CCDC38: variants seen among roughly 807,000 people sequenced by gnomAD.
CCDC38 encodes the protein coiled-coil domain-containing protein 38.
A neutral mutation model predicts 72.8 loss-of-function variants in CCDC38; 69 were observed. The observed-to-expected ratio is 0.95, with a 90% CI of 0.78 to 1.16. The LOEUF (loss-of-function observed/expected upper bound fraction) is 1.16, where lower values mean the gene tolerates loss of function less well. Among genes scored for constraint, CCDC38 ranks in the 50% most tolerant of loss-of-function variants. CCDC38 has a pLI of 0.00. For missense variants in CCDC38, 626 were observed against 638.9 expected (o/e 0.98, Z 0.22); for synonymous variants, 201 against 213.2 (o/e 0.94, Z 0.50).
At chr12:95,875,764 T>C (rs1053527177) in intron 13 of CCDC38, among the ~76,000 whole-genome samples, 3 of 152,210 alleles carry the variant, frequency 2.0e-5, no homozygotes, top group African/African-American at 7.2e-5. Context: ...GTGCAATACA[T>C]GAATGCCAAA....
chr12:95,931,411 G>T (rs2080338045), intron 2 of CCDC38, among the ~76,000 whole-genome samples: 1 of 152,180 alleles, frequency 6.6e-6, no homozygotes, highest in Non-Finnish European at 1.5e-5. Context: ...AGTCCCTTTT[G>T]CCATGTAAGG....
chr12:95,923,659 A>G (rs2080234198), intron 2 of CCDC38, among the ~76,000 whole-genome samples: 3 of 152,072 alleles, frequency 2.0e-5, no homozygotes. Flanking sequence ...GTCATCTAGC[A>G]TTAGGTATAT....
At chr12:95,939,654 C>T (rs927255686) in intron 1 of CCDC38, among the ~76,000 whole-genome samples, 7 of 152,114 alleles carry the variant, frequency 4.6e-5, no homozygotes, top group African/African-American at 1.7e-4. Flanking sequence ...GGAAGGGGCA[C>T]TTGGGAAGAT....
rs752887561 is a variant in CCDC38, at chr12:95,898,716, T to C, written c.385A>G (p.Lys129Glu). Residue 129 changes from lysine (K) to glutamate (E), a missense_variant, in exon 6 of 16, where the codon AAA (lysine) becomes GAA (glutamate). By Grantham distance (56) the Lys-to-Glu change is moderately conservative. Transcript: ENST00000344280. ...TCAAACTTTTTGATTGTGTTTCTTT[T>C]GGTTGACAAAGCATACTAGGGGCAT... ...RFLLEYALSTKRNTIKKFEKD... is the reference protein window; with the variant it reads ...RFLLEYALSTERNTIKKFEKD... 6.8e-6 allele frequency: 11 copies of C among 1,613,776 alleles called. No individual in the cohort carries two copies. The South Asian group carries it at 1.1e-4, about 16-fold the overall frequency.
At chr12:95,932,339 T>C (rs1407148450) in intron 2 of CCDC38, among the ~76,000 whole-genome samples, 1 of 152,162 alleles carries the variant, frequency 6.6e-6, no homozygotes, top group Non-Finnish European at 1.5e-5. Flanking sequence ...ATATGAGGTA[T>C]TTTCCCTCAA....
At chr12:95,911,399 G>T (rs964313221) in intron 4 of CCDC38, among the ~76,000 whole-genome samples, 5 of 152,148 alleles carry the variant, frequency 3.3e-5, no homozygotes, top group African/African-American at 1.2e-4. Context: ...TAACTAAAGA[G>T]CTTCTGCGCA....
chr12:95,886,965 C>A (rs1388040677), intron 10 of CCDC38, among the ~76,000 whole-genome samples: 1 of 152,156 alleles, frequency 6.6e-6, no homozygotes, highest in African/African-American at 2.4e-5. Context: ...ATGTGGATCA[C>A]CTGAAGTCAG....
chr12:95,885,692 A>G (rs1382088888), intron 10 of CCDC38: 1 of 153,036 alleles, frequency 6.5e-6, no homozygotes, highest in Non-Finnish European at 1.5e-5. Flanking sequence ...ATCACTCAAA[A>G]CATAGAAGAA....
At chr12:95,892,701 T>C (rs1052707147) in intron 8 of CCDC38, among the ~76,000 whole-genome samples, 6 of 151,232 alleles carry the variant, frequency 4.0e-5, no homozygotes, top group African/African-American at 1.5e-4. Flanking sequence ...TTCTGAGTAG[T>C]TGGGATTACA....
At chr12:95,915,903 A>T (rs972462035) in intron 4 of CCDC38, among the ~76,000 whole-genome samples, 3 of 152,190 alleles carry the variant, frequency 2.0e-5, no homozygotes, top group Non-Finnish European at 4.4e-5. Flanking sequence ...TACTTTTAAG[A>T]GACCGGTAAC....
chr12:95,935,915 C>T (rs1302877231), intron 2 of CCDC38, among the ~76,000 whole-genome samples: 2 of 151,954 alleles, frequency 1.3e-5, no homozygotes, highest in African/African-American at 4.8e-5. Flanking sequence ...CTTGTCTCTA[C>T]TAAAAACACA....
chr12:95,888,963 GA>G (rs59844333), intron 9 of CCDC38: 130,698 of 171,022 alleles, frequency 0.76, 50,961 homozygotes, highest in African/African-American at 0.86. Context: ...GAAAGAAGGG[GA>G]AAAAAAATGG....
intron 13 of CCDC38, among the ~76,000 whole-genome samples, chr12:95,877,842 A>G (rs1020483803): frequency 2.0e-5 from 3 of 152,322 alleles, no homozygotes; most frequent in Admixed American, 1.3e-4. Flanking sequence ...GTCACTGTTA[A>G]TTGTGTTGAT....
At chr12:95,904,381 T>C (rs1485763798) in intron 5 of CCDC38, among the ~76,000 whole-genome samples, 1 of 152,180 alleles carries the variant, frequency 6.6e-6, no homozygotes, top group Non-Finnish European at 1.5e-5. Context: ...GTTTGAGGGG[T>C]TCCCCCAAAT....
At chr12:95,890,563 G>A (rs1592766745) in intron 9 of CCDC38, among the ~76,000 whole-genome samples, 1 of 152,260 alleles carries the variant, frequency 6.6e-6, no homozygotes, top group East Asian at 1.9e-4. Context: ...AGGGGCCTCA[G>A]CTTGGAAGGA....
At chr12:95,926,076 C>T (rs1592802032) in intron 2 of CCDC38, among the ~76,000 whole-genome samples, 1 of 142,100 alleles carries the variant, frequency 7.0e-6, no homozygotes, top group Admixed American at 7.2e-5. Context: ...AGGGAGGATT[C>T]CCTCTTTTTC....
chr12:95,906,615 A>G (rs1388528583), intron 4 of CCDC38, among the ~76,000 whole-genome samples, 164 bp from the exon 5 acceptor site: 1 of 152,184 alleles, frequency 6.6e-6, no homozygotes, highest in African/African-American at 2.4e-5. Context: ...CTAATTTAGT[A>G]ATAGTAATTA....
chr12:95,890,750 G>A (rs997535400), intron 9 of CCDC38, 82 bp downstream of exon 9: 9 of 759,726 alleles, frequency 1.2e-5, no homozygotes, highest in South Asian at 1.8e-5. Context: ...CATTTTCCAG[G>A]TTGGCTTGTA....
intron 2 of CCDC38, among the ~76,000 whole-genome samples, chr12:95,924,450 G>A (rs978571223): frequency 7.1e-6 from 1 of 140,254 alleles, no homozygotes; most frequent in Non-Finnish European, 1.5e-5. Flanking sequence ...CCCTTTGTCA[G>A]ATGAGTAGGT....
Sources: allele counts gnomAD v4.1 joint callset (sites outside exome capture counted in the v4.1 genomes callset), GRCh38; gene constraint gnomAD v4.1.1; transcripts MANE v1.5; gene names NCBI Gene and HGNC (gene_info 2026-07-23, HGNC 2026-07-21).